SMURF2: variants seen among roughly 807,000 people sequenced by gnomAD.
The protein encoded by SMURF2 is E3 ubiquitin-protein ligase SMURF2.
A neutral mutation model predicts 109.6 loss-of-function variants in SMURF2; 48 were observed. The ratio of observed to expected loss-of-function variants is 0.44; its 90% CI spans 0.35 to 0.56. The LOEUF is 0.56. SMURF2 is among the 20% of genes least tolerant of loss of function. SMURF2 has a pLI of 0.01. For synonymous variants in SMURF2, 288 were observed against 317.1 expected, an observed-to-expected ratio of 0.91 and a Z score of 0.97; for missense variants, 575 against 909.0, an observed-to-expected ratio of 0.63 and a Z score of 4.72.
At chr17:64,640,933 A>G (rs1970485500) in intron 1 of SMURF2, among the ~76,000 whole-genome samples, 1 of 151,724 alleles carries the variant, frequency 6.6e-6, no homozygotes, top group African/African-American at 2.4e-5. Context: ...AAAAAAAAGA[A>G]AAAAGAAAAA....
At chr17:64,573,159 GA>G (rs1969428396) in intron 9 of SMURF2, 1 of 38,382 alleles carries the variant, frequency 2.6e-5, no homozygotes, top group Non-Finnish European at 4.5e-5. Flanking sequence ...GGAGGAGGAG[GA>G]GGGGGAGGAG....
chr17:64,583,138 T>A (rs950747651), intron 7 of SMURF2, among the ~76,000 whole-genome samples: 1 of 152,088 alleles, frequency 6.6e-6, no homozygotes, highest in Admixed American at 6.5e-5. Flanking sequence ...GTGATCCACA[T>A]GCCTTGGCCT....
rs1200647523 is a variant in SMURF2 at position 64,543,361 on chromosome 17, G to A, written c.*2487C>T. 1 of 148,530 alleles carries A rather than the reference G, an allele frequency of 6.7e-6. No individual in the cohort carries two copies. Among genetic ancestry groups the A allele is most frequent in the Non-Finnish European group, 1.5e-5 (1 of 67,658 alleles). The allele number at this position is 148,530 out of a possible 1,614,324, so 9.2% of individuals were successfully genotyped here. On this transcript the variant is annotated 3_prime_UTR_variant, in exon 19 of 19. Transcript: ENST00000262435. ...GCGATCTCGGCTCACTGCAATCTCTGCCTCCCAGATTCAAGCAATTCTCCT... is the reference window on the plus strand; with the variant it reads ...GCGATCTCGGCTCACTGCAATCTCTACCTCCCAGATTCAAGCAATTCTCCT...
chr17:64,591,612 T>G (rs1467160407), intron 4 of SMURF2, among the ~76,000 whole-genome samples: 2 of 152,228 alleles, frequency 1.3e-5, no homozygotes, highest in African/African-American at 2.4e-5. Context: ...TGGGTTTGCA[T>G]CAGTTCTGTC....
Position 64,600,912 on chromosome 17 carries a change from G to A in SMURF2, c.92-2422C>T, listed in dbSNP as rs184295213. On this transcript the variant is annotated intron_variant, in intron 2 of 18. Transcript: ENST00000262435. ...GTTATTAAACTAGTTGAAGAATTAA[G>A]TCTCTCTGGTTTCTTGCTTTTTTAA... Among the ~76,000 whole-genome samples, 53 of 152,098 alleles carry A rather than the reference G, an allele frequency of 3.5e-4. 1 individual carries two copies. Among genetic ancestry groups the A allele is most frequent in the South Asian group, 2.1e-4 (1 of 4,812 alleles).
At chr17:64,645,599 G>C (rs1970548392) in intron 1 of SMURF2, among the ~76,000 whole-genome samples, 1 of 152,134 alleles carries the variant, frequency 6.6e-6, no homozygotes, top group Non-Finnish European at 1.5e-5. Context: ...AAGTGGGGAG[G>C]AAGACAAGGA....
In SMURF2 at chr17:64,543,292, G is replaced by A. The variant is rs1968900254; in HGVS notation, c.*2556C>T. 6.7e-6 allele frequency: 1 copy of A among 150,222 alleles called. No individual in the cohort carries two copies. The highest frequency in any genetic ancestry group is 2.1e-4 in the South Asian group (1 of 4,774). The allele number at this position is 150,222 out of a possible 1,614,324, so 9.3% of individuals were successfully genotyped here. A position where few individuals can be genotyped will look rare whatever the true frequency, so the allele number is the denominator to read the frequency against. On this transcript the variant is annotated 3_prime_UTR_variant, in exon 19 of 19. Transcript: ENST00000262435. Reference sequence around the variant, plus strand: ...TTTCTTTTTTTTTTTTTTTTGGGCGGGGACGGAGTCTCACTCTTGTCGCCC... The same window carrying A: ...TTTCTTTTTTTTTTTTTTTTGGGCGAGGACGGAGTCTCACTCTTGTCGCCC...
chr17:64,600,474 T>C (rs1555688454), intron 2 of SMURF2, among the ~76,000 whole-genome samples: 1 of 152,196 alleles, frequency 6.6e-6, no homozygotes, highest in Non-Finnish European at 1.5e-5. Flanking sequence ...CATGTTGGTA[T>C]CAATGCTAAT....
At chr17:64,598,567 T>C in intron 2 of SMURF2, 77 bp from the exon 3 acceptor site, 1 of 1,175,098 alleles carries the variant, frequency 8.5e-7, no homozygotes, top group Non-Finnish European at 1.2e-6. Context: ...TTCCATTTGC[T>C]ACAAAAGATT....
At chr17:64,604,716 CA>C (rs1969945611) in intron 2 of SMURF2, among the ~76,000 whole-genome samples, 1 of 152,012 alleles carries the variant, frequency 6.6e-6, no homozygotes, top group Admixed American at 6.6e-5. Context: ...GAGGCCAAGG[CA>C]GGAGGATCAC....
At chr17:64,613,990 T>C (rs9905159) in intron 1 of SMURF2, among the ~76,000 whole-genome samples, 7,604 of 151,974 alleles carry the variant, frequency 0.05, 318 homozygotes, top group African/African-American at 0.11. Context: ...AGGGGCAACC[T>C]AGATCCCTCG....
At chr17:64,555,177 C>T (rs1969101072) in intron 14 of SMURF2, among the ~76,000 whole-genome samples, 184 bp from the exon 15 acceptor site, 1 of 152,164 alleles carries the variant, frequency 6.6e-6, no homozygotes, top group Admixed American at 6.5e-5. Flanking sequence ...CCTTCATAAA[C>T]ACAGAAAACA....
chr17:64,592,082 T>C (rs1969758028), intron 4 of SMURF2, among the ~76,000 whole-genome samples: 1 of 152,226 alleles, frequency 6.6e-6, no homozygotes, highest in Non-Finnish European at 1.5e-5. Context: ...ATACAGTGGA[T>C]TCTGCAGAGC....
chr17:64,546,347 G>A lies in SMURF2; in HGVS notation c.2072-9C>T, dbSNP rs372433606. ...TCTCGGGCCTGCAGCACCTGCAAAT[G>A]AAGGAAATGTGGATGAAATCACTGC... On this transcript the variant is annotated splice_polypyrimidine_tract_variant and intron_variant, in intron 17 of 18. Transcript: ENST00000262435. 2.4e-5 allele frequency: 38 copies of A among 1,613,186 alleles called. No individual in the cohort carries two copies. The Middle Eastern group carries it at 9.9e-4, about 42-fold the overall frequency.
chr17:64,638,868 C>T (rs1199364376), intron 1 of SMURF2, among the ~76,000 whole-genome samples: 4 of 152,212 alleles, frequency 2.6e-5, no homozygotes, highest in Non-Finnish European at 5.9e-5. Context: ...CACAAAGAGG[C>T]TATGAACCAT....
At chr17:64,644,733 G>C (rs782077223) in intron 1 of SMURF2, among the ~76,000 whole-genome samples, 5 of 151,730 alleles carry the variant, frequency 3.3e-5, no homozygotes, top group Non-Finnish European at 5.9e-5. Context: ...CCAACATGGC[G>C]AAACTCCAAC....
intron 9 of SMURF2, among the ~76,000 whole-genome samples, chr17:64,572,676 G>A (rs1388944062): frequency 6.6e-6 from 1 of 152,190 alleles, no homozygotes; most frequent in Non-Finnish European, 1.5e-5. Flanking sequence ...GAGTTAAGGA[G>A]CTTCCAGGTT....
At chr17:64,638,801 T>C (rs376439949) in intron 1 of SMURF2, among the ~76,000 whole-genome samples, 2 of 152,192 alleles carry the variant, frequency 1.3e-5, no homozygotes, top group Non-Finnish European at 2.9e-5. Context: ...ACAACAGACA[T>C]AGAGTATTCC....
chr17:64,656,038 T>A (rs1345879641), intron 1 of SMURF2, among the ~76,000 whole-genome samples: 1 of 152,224 alleles, frequency 6.6e-6, no homozygotes, highest in Non-Finnish European at 1.5e-5. Flanking sequence ...AAGGAAGAAT[T>A]GGTTAATAAA....
Sources: allele counts gnomAD v4.1 joint callset (sites outside exome capture counted in the v4.1 genomes callset), GRCh38; gene constraint gnomAD v4.1.1; transcripts MANE v1.5; gene names NCBI Gene and HGNC (gene_info 2026-07-23, HGNC 2026-07-21).